TG: variants seen among roughly 807,000 people sequenced by gnomAD.
TG encodes the protein thyroglobulin.
TG carries 270 observed loss-of-function variants against 324.7 expected under a neutral mutation model. The ratio of observed to expected loss-of-function variants is 0.83; its 90% confidence interval spans 0.75 to 0.92. TG has a LOEUF of 0.92. Among genes scored for constraint, TG ranks in the 40% least tolerant of loss-of-function variants. TG has a pLI of 0.00. For synonymous variants in TG, 1,401 were observed against 1,327.0 expected (o/e 1.06, Z -1.21); for missense variants, 3,591 against 3,456.4 (o/e 1.04, Z -0.98).
At chr8:133,015,679 A>G (rs1834962106) in intron 37 of TG, among the ~76,000 whole-genome samples, 1 of 152,218 alleles carries the variant, frequency 6.6e-6, no homozygotes, top group Non-Finnish European at 1.5e-5. Flanking sequence ...TGTTTCCTGC[A>G]TAGCAGAATG....
intron 43 of TG, among the ~76,000 whole-genome samples, chr8:133,107,585 T>G (rs532659352): frequency 6.6e-6 from 1 of 150,508 alleles, no homozygotes; most frequent in East Asian, 1.9e-4. Context: ...CATGAAGGAA[T>G]GTGTGTCCCA....
In TG at chr8:132,893,841, C is replaced by T. The variant is rs768773288; in HGVS notation, c.2913C>T (p.Gly971=). 5 of 1,613,930 alleles carry T rather than the reference C, an allele frequency of 3.1e-6. No individual in the cohort carries two copies. The Admixed American group carries it at 8.3e-5, about 27-fold the overall frequency. The part of the protein sequence containing the change: ...KGIRLRNEDL[G]LPPLFPPREA... ...TCCGGCTGAGGAATGAGGACCTCGG[C>T]CTTCCTCCGCTCTTCCCGCCCCGGG... The change falls in exon 11 of 48, where the codon GGC becomes GGT. Residue 971 remains glycine, a synonymous_variant. Transcript: ENST00000220616.
Position 132,969,557 on chromosome 8 carries a change from C to T in TG, c.5963C>T (p.Ser1988Phe). The T allele has an allele frequency of 6.2e-7, 1 of 1,607,908 alleles. No individual in the cohort carries two copies. The highest frequency in any genetic ancestry group is 8.5e-7 in the Non-Finnish European group (1 of 1,174,416). The stretch of plus-strand genomic sequence containing the variant: ...AATAAAGTGCCCATGTCTGAAAAAT[C>T]TATTTCTAATGGGTAAGCTACTTGT... ...IRNKVPMSEK[S>F]ISNGFFECER... Residue 1988 changes from serine to phenylalanine, a missense_variant, in exon 32 of 48, where the codon TCT becomes TTT. Coordinates refer to ENST00000220616, the MANE Select transcript of TG (RefSeq NM_003235.5).
chr8:132,972,659 T>TGGA lies in TG; in HGVS notation c.6122_6124dup (p.Gly2041dup). ...GAATTCAGATGTGCAGTGAGGAGAA[T>TGGA]GGAGGAGCCTGGCGCATTTTGGACT... On this transcript the variant is annotated inframe_insertion, in exon 34 of 48. Coordinates refer to ENST00000220616, the MANE Select transcript of TG (RefSeq NM_003235.5). 6.2e-7 allele frequency: 1 copy of TGGA among 1,611,106 alleles called. No homozygotes were observed. The highest frequency in any genetic ancestry group is 1.1e-5 in the South Asian group (1 of 90,966).
intron 43 of TG, among the ~76,000 whole-genome samples, chr8:133,104,875 C>T (rs995910350): frequency 2.6e-5 from 4 of 152,198 alleles, no homozygotes; most frequent in African/African-American, 9.6e-5. Flanking sequence ...TCACAGAGCA[C>T]TTTGCTCATT....
intron 35 of TG, among the ~76,000 whole-genome samples, chr8:132,996,747 G>A (rs940198423): frequency 6.6e-6 from 1 of 152,148 alleles, no homozygotes; most frequent in Non-Finnish European, 1.5e-5. Context: ...GGCAGCTGTA[G>A]AAGGGGATTT....
chr8:133,033,496 C>G (rs1434068380), intron 41 of TG, among the ~76,000 whole-genome samples: 1 of 152,142 alleles, frequency 6.6e-6, no homozygotes, highest in Non-Finnish European at 1.5e-5. Context: ...ATGACAGCGC[C>G]CCAAGTCTGC....
At chr8:132,898,701 C>G in intron 13 of TG, 97 bp from the exon 14 acceptor site, 4 of 1,010,384 alleles carry the variant, frequency 4.0e-6, no homozygotes. Context: ...CTGCATTCAC[C>G]CAGGCTCATG....
At chr8:132,947,874 T>C (rs1825549509) in intron 26 of TG, among the ~76,000 whole-genome samples, 1 of 152,216 alleles carries the variant, frequency 6.6e-6, no homozygotes, top group African/African-American at 2.4e-5. Context: ...AAAAAACGTG[T>C]GAGTTACTTG....
intron 4 of TG, among the ~76,000 whole-genome samples, chr8:132,872,337 G>C (rs1839562534): frequency 1.3e-5 from 2 of 151,830 alleles, no homozygotes; most frequent in Admixed American, 1.3e-4. Flanking sequence ...AATTAGCCGG[G>C]CGTGGTGGCG....
rs746224898 is a variant in TG at position 132,888,130 on chromosome 8, A to G, written c.2323A>G (p.Asn775Asp). 6.2e-7 allele frequency: 1 copy of G among 1,614,122 alleles called. No individual in the cohort carries two copies. Among genetic ancestry groups the G allele is most frequent in the Non-Finnish European group, 8.5e-7 (1 of 1,180,016 alleles). Residue 775 changes from asparagine (N) to aspartate (D), a missense_variant, in exon 10 of 48, where the codon AAT becomes GAT. Physicochemically the swap from Asn to Asp is conservative, Grantham distance 23. Transcript: ENST00000220616. ...TDGQWRQVQC[N>D]GPPEQVFELY... ...TGGGCAGTGGAGACAAGTGCAATGC[A>G]ATGGGCCTCCTGAGCAGGTCTTCGA...
At chr8:133,131,201 C>T (rs1851923862) in intron 45 of TG, among the ~76,000 whole-genome samples, 1 of 152,240 alleles carries the variant, frequency 6.6e-6, no homozygotes, top group Admixed American at 6.5e-5. Flanking sequence ...TCCTCAGCAC[C>T]AGCTCCAGCC....
chr8:133,017,744 C>T, intron 37 of TG, 34 bp from the exon 38 acceptor site: 1 of 1,603,528 alleles, frequency 6.2e-7, no homozygotes, highest in Non-Finnish European at 8.5e-7. Flanking sequence ...GGCCTCTCCC[C>T]TTCCTCACCC....
intron 41 of TG, among the ~76,000 whole-genome samples, chr8:133,090,810 T>G (rs1847385348): frequency 6.6e-6 from 1 of 152,134 alleles, no homozygotes; most frequent in African/African-American, 2.4e-5. Flanking sequence ...GAGCTGGAAT[T>G]AAAACCCCAG....
chr8:133,099,855 C>T (rs1848983578), intron 43 of TG, among the ~76,000 whole-genome samples: 1 of 152,154 alleles, frequency 6.6e-6, no homozygotes, highest in Admixed American at 6.5e-5. Context: ...CACCCTGATC[C>T]AGCCACTTTA....
At chr8:133,060,106 G>A in intron 41 of TG, 2 of 1,599,242 alleles carry the variant, frequency 1.3e-6, no homozygotes, top group Non-Finnish European at 1.7e-6. Flanking sequence ...TTACCCTCCG[G>A]GTTGGGCAGG....
At chr8:133,093,345 T>G (rs780159613) in intron 41 of TG, among the ~76,000 whole-genome samples, 1 of 150,824 alleles carries the variant, frequency 6.6e-6, no homozygotes, top group Non-Finnish European at 1.5e-5. Context: ...ATCCTGGGAG[T>G]TAGGATTCTT....
intron 15 of TG, 57 bp from the exon 16 acceptor site, chr8:132,901,296 A>C (rs937431336): frequency 9.6e-5 from 154 of 1,603,864 alleles, no homozygotes; most frequent in Non-Finnish European, 1.3e-4. Context: ...GTGATTGGGC[A>C]TCTGAGCAGG....
chr8:133,130,894 G>T (rs187956056), intron 45 of TG, among the ~76,000 whole-genome samples: 379 of 152,272 alleles, frequency 2.5e-3, no homozygotes, highest in African/African-American at 8.4e-3. Context: ...CCCCAGTGGG[G>T]AGAAAGTCGG....
Sources: allele counts gnomAD v4.1 joint callset (sites outside exome capture counted in the v4.1 genomes callset), GRCh38; gene constraint gnomAD v4.1.1; transcripts MANE v1.5; gene names NCBI Gene and HGNC (gene_info 2026-07-23, HGNC 2026-07-21).